Variants in PTPRD observed in about 807,000 individuals in gnomAD.
PTPRD encodes the protein receptor-type tyrosine-protein phosphatase delta.
A neutral mutation model predicts 214.5 loss-of-function variants in PTPRD; 34 were observed. The observed-to-expected ratio is 0.16, with a 90% CI of 0.12 to 0.21. PTPRD has a LOEUF of 0.21. PTPRD is among the 10% of genes least tolerant of loss of function. PTPRD has a pLI of 1.00. For missense variants in PTPRD, 2,545 were observed against 2,398.7 expected (o/e 1.06, Z -1.27); for synonymous variants, 1,128 against 845.7 (o/e 1.33, Z -5.79).
chr9:10,008,300 G>C (rs1197971648), intron 4 of PTPRD, among the ~76,000 whole-genome samples: 2 of 151,802 alleles, frequency 1.3e-5, no homozygotes, highest in Non-Finnish European at 2.9e-5. Flanking sequence ...CAAAAGATTT[G>C]CTGAATTCCC....
At chr9:9,627,962 G>A (rs113203600) in intron 7 of PTPRD, among the ~76,000 whole-genome samples, 4,462 of 151,960 alleles carry the variant, frequency 0.029, 104 homozygotes, top group Non-Finnish European at 0.046. Context: ...TTTTTTAAGT[G>A]GCACATCAAT....
At chr9:9,710,199 G>A (rs1227334191) in intron 7 of PTPRD, among the ~76,000 whole-genome samples, 1 of 152,112 alleles carries the variant, frequency 6.6e-6, no homozygotes, top group Non-Finnish European at 1.5e-5. Flanking sequence ...GAAGGTAAGA[G>A]AGGGAATTTA....
At chr9:10,503,277 C>T (rs764412547) in intron 2 of PTPRD, among the ~76,000 whole-genome samples, 87 of 147,762 alleles carry the variant, frequency 5.9e-4, no homozygotes, top group Non-Finnish European at 9.7e-4. Context: ...AAATTATGGT[C>T]ACTTTGTCGT....
At position 8,587,161 on chromosome 9, in the gene PTPRD, A is replaced by G. The variant is rs145709144; in HGVS notation, c.352+46156T>C. ...CGAGACTCCATCTAAAAAAACAAAC[A>G]AACGAACACAAAAAGAACGGAAGCC... On this transcript the variant is annotated intron_variant, in intron 14 of 45. Transcript: ENST00000381196. Among the ~76,000 whole-genome samples the G allele has an allele frequency of 1.8e-3, 270 of 152,270 alleles. 2 individuals carry two copies. Among genetic ancestry groups the G allele is most frequent in the Middle Eastern group, 6.8e-3 (2 of 294 alleles).
At chr9:8,909,430 A>G (rs2098731516) in intron 11 of PTPRD, among the ~76,000 whole-genome samples, 1 of 152,184 alleles carries the variant, frequency 6.6e-6, no homozygotes, top group South Asian at 2.1e-4. Flanking sequence ...GAAATTTAAC[A>G]TACAAGGTTG....
chr9:8,361,423 CTG>C (rs1485511329), intron 39 of PTPRD, among the ~76,000 whole-genome samples: 1 of 152,160 alleles, frequency 6.6e-6, no homozygotes, highest in African/African-American at 2.4e-5. Flanking sequence ...TTTTAATACT[CTG>C]TAATCATTTT....
rs573885234 is a variant in PTPRD, at chr9:9,808,538, G to A, written c.-367-41687C>T. 5.3e-5 allele frequency among the ~76,000 whole-genome samples: 8 copies of A among 152,276 alleles called. No individual in the cohort carries two copies. The South Asian group carries it at 1.0e-3, about 20-fold the overall frequency. The stretch of plus-strand genomic sequence containing the variant: ...TTTTTCTGAGGGCAGCACAGAGAGA[G>A]ACTGCCTGGGAGACTTTATCTATAT... On this transcript the variant is annotated intron_variant, in intron 5 of 45. Coordinates refer to ENST00000381196, the MANE Select transcript of PTPRD (RefSeq NM_002839.4).
At chr9:9,089,513 C>A (rs975941985) in intron 10 of PTPRD, among the ~76,000 whole-genome samples, 2 of 152,136 alleles carry the variant, frequency 1.3e-5, no homozygotes, top group Non-Finnish European at 2.9e-5. Flanking sequence ...ATAAATGCTC[C>A]ATGAAGCTTC....
At chr9:9,517,976 C>T (rs2096877232) in intron 8 of PTPRD, among the ~76,000 whole-genome samples, 1 of 151,972 alleles carries the variant, frequency 6.6e-6, no homozygotes, top group African/African-American at 2.4e-5. Context: ...TTTTGGGTTT[C>T]TGTAAAGTAT....
At chr9:9,463,203 C>T (rs767526316) in intron 8 of PTPRD, among the ~76,000 whole-genome samples, 1 of 152,160 alleles carries the variant, frequency 6.6e-6, no homozygotes, top group Non-Finnish European at 1.5e-5. Context: ...ATTACAGCAA[C>T]ATTCCTTTGG....
intron 9 of PTPRD, among the ~76,000 whole-genome samples, chr9:9,249,962 GT>G (rs539291164): frequency 1.2e-3 from 180 of 152,122 alleles, no homozygotes; most frequent in African/African-American, 3.8e-3. Context: ...GGAGAAAAGT[GT>G]TATTTTAAAA....
chr9:10,099,818 A>T (rs1293051253), intron 3 of PTPRD, among the ~76,000 whole-genome samples: 1 of 151,720 alleles, frequency 6.6e-6, no homozygotes, highest in Admixed American at 6.6e-5. Context: ...AGATTGGGTA[A>T]GATTAGAAAT....
At chr9:9,275,907 C>T (rs528988283) in intron 9 of PTPRD, among the ~76,000 whole-genome samples, 3 of 150,832 alleles carry the variant, frequency 2.0e-5, no homozygotes, top group South Asian at 2.1e-4. Flanking sequence ...GTCCCCAGGC[C>T]GTGAAGGAGA....
At chr9:9,416,738 T>C (rs1425687587) in intron 8 of PTPRD, among the ~76,000 whole-genome samples, 1 of 152,160 alleles carries the variant, frequency 6.6e-6, no homozygotes, top group Non-Finnish European at 1.5e-5. Context: ...TTCTACCCAT[T>C]TGATAGGCAG....
intron 39 of PTPRD, among the ~76,000 whole-genome samples, chr9:8,349,741 C>T (rs961299839): frequency 6.6e-6 from 1 of 152,078 alleles, no homozygotes; most frequent in Non-Finnish European, 1.5e-5. Flanking sequence ...TGTTATGTTA[C>T]AGAAAATTCC....
chr9:9,510,644 C>CTT (rs760821160), intron 8 of PTPRD, among the ~76,000 whole-genome samples: 41 of 145,426 alleles, frequency 2.8e-4, no homozygotes, highest in African/African-American at 9.2e-4. Context: ...GGCAAAATTA[C>CTT]TTTTTTTTTT....
intron 9 of PTPRD, among the ~76,000 whole-genome samples, chr9:9,290,370 ACAAGG>A (rs1950767398): frequency 6.6e-6 from 1 of 151,654 alleles, no homozygotes; most frequent in Non-Finnish European, 1.5e-5. Context: ...CTTGTCATAT[ACAAGG>A]TTTGCAAATA....
intron 11 of PTPRD, among the ~76,000 whole-genome samples, chr9:8,802,019 A>G (rs2096581758): frequency 6.6e-6 from 1 of 152,162 alleles, no homozygotes. Context: ...ATCCTAAAAT[A>G]TTATTTATTA....
At chr9:8,583,250 T>G (rs1377090648) in intron 14 of PTPRD, among the ~76,000 whole-genome samples, 1 of 152,214 alleles carries the variant, frequency 6.6e-6, no homozygotes, top group Admixed American at 6.5e-5. Flanking sequence ...GCTGCTCACC[T>G]CCTGCTGTGC....
Sources: allele counts gnomAD v4.1 joint callset (sites outside exome capture counted in the v4.1 genomes callset), GRCh38; gene constraint gnomAD v4.1.1; transcripts MANE v1.5; gene names NCBI Gene and HGNC (gene_info 2026-07-23, HGNC 2026-07-21).